C22orf39: variants seen among roughly 807,000 people sequenced by gnomAD.
C22orf39 encodes the protein chromosome 22 open reading frame 39.
Under a neutral mutation model 18.3 loss-of-function variants are expected in C22orf39, and 20 were observed. The observed-to-expected ratio is 1.09, with a 90% CI of 0.77 to 1.59. The LOEUF is 1.59. Among genes scored for constraint, C22orf39 ranks in the 40% most tolerant of loss-of-function variants. The pLI is 0.00. For synonymous variants in C22orf39, 63 were observed against 59.6 expected (o/e 1.06, Z -0.26); for missense variants, 195 against 156.1 (o/e 1.25, Z -1.33).
At position 19,447,464 on chromosome 22, in the gene C22orf39, G is replaced by A. The variant is rs777013130; in HGVS notation, c.106C>T (p.His36Tyr). 66 of 1,518,814 alleles carry A rather than the reference G, an allele frequency of 4.3e-5. No individual in the cohort carries two copies. In the African/African-American group the frequency reaches 7.2e-4, roughly 16 times the overall value. 94.1% of individuals were successfully genotyped at this position (1,518,814 alleles called of 1,614,324 possible). A position where few individuals can be genotyped will look rare whatever the true frequency, so the allele number is the denominator to read the frequency against. The change falls in exon 2 of 3, where the codon CAC becomes TAC. Residue 36 changes from histidine to tyrosine, a missense_variant. By Grantham distance (83) the His-to-Tyr change is moderately conservative. Coordinates refer to ENST00000399562, the MANE Select transcript of C22orf39 (RefSeq NM_173793.5). ...TGTTCGCAGGCCGGCCGCTCGCCGT[G>A]GACGTAGTAGTGGTGTAGGAAGTGC... ...ARHFLHHYYV[H>Y]GERPACEQWQ...
chr22:19,444,858 G>A (rs2089632213), intron 2 of C22orf39, among the ~76,000 whole-genome samples: 1 of 152,130 alleles, frequency 6.6e-6, no homozygotes, highest in Non-Finnish European at 1.5e-5. Context: ...TCCTGGAAGG[G>A]TGGGAAGAGT....
At chr22:19,446,717 C>T (rs2089641854) in intron 2 of C22orf39, among the ~76,000 whole-genome samples, 1 of 151,830 alleles carries the variant, frequency 6.6e-6, no homozygotes, top group Admixed American at 6.6e-5. Flanking sequence ...TTTTTTTTCC[C>T]CCCTGAGACA....
intron 2 of C22orf39, 55 bp from the exon 3 acceptor site, chr22:19,444,445 T>C (rs2089629904): frequency 5.8e-6 from 9 of 1,551,960 alleles, no homozygotes; most frequent in Non-Finnish European, 7.8e-6. Flanking sequence ...TCAAGACCCC[T>C]GTACCTCCCC....
Position 19,444,303 on chromosome 22 carries a change from C to T in C22orf39, c.280G>A (p.Asp94Asn). Reference sequence around the variant, plus strand: ...TCCTGTGGCAGAGGGAGATGCCAGTCTGGAGGGGGGCTCTGCCTCGGGGCC... The same window carrying T: ...TCCTGTGGCAGAGGGAGATGCCAGTTTGGAGGGGGGCTCTGCCTCGGGGCC... ...VWAPRQSPPP[D>N]WHLPLPQEKD... Residue 94 changes from aspartate to asparagine, a missense_variant, in exon 3 of 3, where the codon GAC becomes AAC. Physicochemically the swap from Asp to Asn is conservative, Grantham distance 23. Coordinates refer to ENST00000399562, the MANE Select transcript of C22orf39 (RefSeq NM_173793.5). The T allele has an allele frequency of 6.2e-7, 1 of 1,601,166 alleles. No individual in the cohort carries two copies. Among genetic ancestry groups the T allele is most frequent in the Non-Finnish European group, 8.5e-7 (1 of 1,175,380 alleles).
At chr22:19,447,644 G>C (rs774485184) in intron 1 of C22orf39, 21 bp downstream of exon 1, 11 of 1,608,492 alleles carry the variant, frequency 6.8e-6, no homozygotes, top group African/African-American at 1.3e-5. Flanking sequence ...GTGGTTCCCG[G>C]CTCCGACCCA....
At position 19,447,382 on chromosome 22, in the gene C22orf39, G is replaced by T; in HGVS notation, c.188C>A (p.Ala63Asp). The T allele has an allele frequency of 6.7e-7, 1 of 1,497,794 alleles. No individual in the cohort carries two copies. Among genetic ancestry groups the T allele is most frequent in the Non-Finnish European group, 8.8e-7 (1 of 1,130,770 alleles). 92.8% of individuals were successfully genotyped at this position (1,497,794 alleles called of 1,614,324 possible). The change falls in exon 2 of 3, where the codon GCC becomes GAC. Residue 63 changes from alanine (A) to aspartate (D), a missense_variant. Coordinates refer to ENST00000399562, the MANE Select transcript of C22orf39 (RefSeq NM_173793.5). Reference protein sequence around the residue: ...RDWEERRNAEAQQSLCESERA... With the variant: ...RDWEERRNAEDQQSLCESERA... Reference sequence around the variant, plus strand: ...CCCCGCTCCCTCCCGGCGCACCTGGGCCTCGGCGTTCCGGCGCTCCTCCCA... The same window carrying T: ...CCCCGCTCCCTCCCGGCGCACCTGGTCCTCGGCGTTCCGGCGCTCCTCCCA...
rs1021981079 is a variant in C22orf39, at chr22:19,443,453, T to A, written c.*812A>T. ...TAATACTGTCCAGGTACAACACTGTTACACACAAAATCTAACAAGTGTGAA... is the reference window on the plus strand; with the variant it reads ...TAATACTGTCCAGGTACAACACTGTAACACACAAAATCTAACAAGTGTGAA... On this transcript the variant is annotated 3_prime_UTR_variant, in exon 3 of 3. Coordinates refer to ENST00000399562, the MANE Select transcript of C22orf39 (RefSeq NM_173793.5). The A allele has an allele frequency of 1.0e-6, 1 of 985,750 alleles. No individual in the cohort carries two copies. Among genetic ancestry groups the A allele is most frequent in the African/African-American group, 1.7e-5 (1 of 57,244 alleles). The allele number at this position is 985,750 out of a possible 1,614,324, so 61.1% of individuals were successfully genotyped here.
At chr22:19,444,624 G>T (rs1259812985) in intron 2 of C22orf39, among the ~76,000 whole-genome samples, 1 of 152,082 alleles carries the variant, frequency 6.6e-6, no homozygotes, top group Non-Finnish European at 1.5e-5. Flanking sequence ...TACTGAATAG[G>T]TCATAATAAT....
rs1204148057 is a variant in C22orf39, at chr22:19,441,711, A to G, written c.*2554T>C. On this transcript the variant is annotated 3_prime_UTR_variant, in exon 3 of 3. Transcript: ENST00000399562. ...ACTTAGCACCTGTCCAAAAAGTTTG[A>G]AAGATATTGCTCTTATTACAGTATT... 5 of 1,549,856 alleles carry G rather than the reference A, an allele frequency of 3.2e-6. No homozygotes were observed. Among genetic ancestry groups the G allele is most frequent in the East Asian group, 2.5e-5 (1 of 40,812 alleles).
Position 19,447,517 on chromosome 22 carries a change from G to A in C22orf39, c.53C>T (p.Ala18Val), listed in dbSNP as rs1433828151. Residue 18 changes from alanine to valine, a missense_variant, in exon 2 of 3, where the codon GCC becomes GTC. Ala to Val is a moderately conservative substitution (Grantham distance 64, BLOSUM62 0). Coordinates refer to ENST00000399562, the MANE Select transcript of C22orf39 (RefSeq NM_173793.5). Reference protein sequence around the residue: ...QPPRPCEAYRAEWKLCRSARH... With the variant: ...QPPRPCEAYRVEWKLCRSARH... ...GGCGCTGCGGCAGAGCTTCCACTCG[G>A]CGCGGTAGGCCTCGCAGGGGCGCGG... 3.4e-6 allele frequency: 5 copies of A among 1,483,482 alleles called. No homozygotes were observed. Among genetic ancestry groups the A allele is most frequent in the Non-Finnish European group, 4.5e-6 (5 of 1,122,252 alleles). 91.9% of individuals were successfully genotyped at this position (1,483,482 alleles called of 1,614,324 possible). A position where few individuals can be genotyped will look rare whatever the true frequency, so the allele number is the denominator to read the frequency against.
At position 19,441,905 on chromosome 22, in the gene C22orf39, C is replaced by T. The variant is rs958383588; in HGVS notation, c.*2360G>A. The T allele has an allele frequency of 5.6e-6, 3 of 538,604 alleles. No individual in the cohort carries two copies. In the African/African-American group the frequency reaches 5.9e-5, roughly 11 times the overall value. 33.4% of individuals were successfully genotyped at this position (538,604 alleles called of 1,614,324 possible). ...AAACTCCTGGGCTCAAACAATCCTCCTATCTCAGCCTCCGAAGTAGCTGGA... is the reference window on the plus strand; with the variant it reads ...AAACTCCTGGGCTCAAACAATCCTCTTATCTCAGCCTCCGAAGTAGCTGGA... On this transcript the variant is annotated 3_prime_UTR_variant, in exon 3 of 3. Coordinates refer to ENST00000399562, the MANE Select transcript of C22orf39 (RefSeq NM_173793.5).
rs1302285135 is a variant in C22orf39 at position 19,447,704 on chromosome 22, G to T, written c.-16C>A. On this transcript the variant is annotated 5_prime_UTR_variant, in exon 1 of 3. Transcript: ENST00000399562. ...CGTCCGCCATGTCTGGGCGACCGGC[G>T]CGCCAAGCCCGCCCCTCAGTCCGCC... 1 of 1,606,424 alleles carries T rather than the reference G, an allele frequency of 6.2e-7. No homozygotes were observed. The highest frequency in any genetic ancestry group is 8.5e-7 in the Non-Finnish European group (1 of 1,177,382).
Position 19,441,622 on chromosome 22 carries a change from A to G in C22orf39, c.*2643T>C, listed in dbSNP as rs1417598274. Reference sequence around the variant, plus strand: ...TAGCTGACTGCAACCTCAAACTCCTATCCTCAAGTGATTCTTCTGCCTCAG... The same window carrying G: ...TAGCTGACTGCAACCTCAAACTCCTGTCCTCAAGTGATTCTTCTGCCTCAG... On this transcript the variant is annotated 3_prime_UTR_variant, in exon 3 of 3. Coordinates refer to ENST00000399562, the MANE Select transcript of C22orf39 (RefSeq NM_173793.5). 6 of 1,202,886 alleles carry G rather than the reference A, an allele frequency of 5.0e-6. No individual in the cohort carries two copies. Among genetic ancestry groups the G allele is most frequent in the East Asian group, 2.6e-5 (1 of 39,214 alleles). 74.5% of individuals were successfully genotyped at this position (1,202,886 alleles called of 1,614,324 possible).
At position 19,447,443 on chromosome 22, in the gene C22orf39, C is replaced by G; in HGVS notation, c.127G>C (p.Glu43Gln). The part of the protein sequence containing the change: ...YYVHGERPAC[E>Q]QWQRDLASCR... The stretch of plus-strand genomic sequence containing the variant: ...CTGGCCAGGTCGCGCTGCCACTGTT[C>G]GCAGGCCGGCCGCTCGCCGTGGACG... Residue 43 changes from glutamate (E) to glutamine (Q), a missense_variant, in exon 2 of 3, where the codon GAA becomes CAA. Physicochemically the swap from Glu to Gln is conservative, Grantham distance 29. Coordinates refer to ENST00000399562, the MANE Select transcript of C22orf39 (RefSeq NM_173793.5). The G allele has an allele frequency of 1.3e-6, 2 of 1,512,350 alleles. No individual in the cohort carries two copies. Among genetic ancestry groups the G allele is most frequent in the Non-Finnish European group, 1.8e-6 (2 of 1,138,664 alleles). 93.7% of individuals were successfully genotyped at this position (1,512,350 alleles called of 1,614,324 possible).
rs1319342661 is a variant in C22orf39 at position 19,441,172 on chromosome 22, A to G, written c.*3093T>C. The G allele has an allele frequency of 6.4e-6, 1 of 155,892 alleles. No homozygotes were observed. Among genetic ancestry groups the G allele is most frequent in the Non-Finnish European group, 1.4e-5 (1 of 70,508 alleles). 9.7% of individuals were successfully genotyped at this position (155,892 alleles called of 1,614,324 possible). On this transcript the variant is annotated 3_prime_UTR_variant, in exon 3 of 3. Transcript: ENST00000399562. Reference sequence around the variant, plus strand: ...GTCAGGCTGACAGATGGTTTTCAACACCACAGGACTCCCTCGTATGAACCA... The same window carrying G: ...GTCAGGCTGACAGATGGTTTTCAACGCCACAGGACTCCCTCGTATGAACCA...
At position 19,443,613 on chromosome 22, in the gene C22orf39, C is replaced by T; in HGVS notation, c.*652G>A. On this transcript the variant is annotated 3_prime_UTR_variant, in exon 3 of 3. Coordinates refer to ENST00000399562, the MANE Select transcript of C22orf39 (RefSeq NM_173793.5). ...ATTTCTTCAGCTGAGTCCACAAACC[C>T]TCTTTATGCAAGGTTGTGTGTTCTG... 2.0e-6 allele frequency: 2 copies of T among 985,414 alleles called. No homozygotes were observed. Among genetic ancestry groups the T allele is most frequent in the Non-Finnish European group, 1.2e-6 (1 of 829,912 alleles). The allele number at this position is 985,414 out of a possible 1,614,324, so 61.0% of individuals were successfully genotyped here.
Position 19,447,493 on chromosome 22 carries a change from G to C in C22orf39, c.77C>G (p.Ala26Gly). 1 of 1,500,782 alleles carries C rather than the reference G, an allele frequency of 6.7e-7. No individual in the cohort carries two copies. Among genetic ancestry groups the C allele is most frequent in the Non-Finnish European group, 8.8e-7 (1 of 1,132,312 alleles). The allele number at this position is 1,500,782 out of a possible 1,614,324, so 93.0% of individuals were successfully genotyped here. Residue 26 changes from alanine (A) to glycine (G), a missense_variant, in exon 2 of 3, where the codon GCC becomes GGC. Transcript: ENST00000399562. ...GTAGTAGTGGTGTAGGAAGTGCCTGGCGCTGCGGCAGAGCTTCCACTCGGC... is the reference window on the plus strand; with the variant it reads ...GTAGTAGTGGTGTAGGAAGTGCCTGCCGCTGCGGCAGAGCTTCCACTCGGC... ...YRAEWKLCRSARHFLHHYYVH... is the reference protein window; with the variant it reads ...YRAEWKLCRSGRHFLHHYYVH...
Position 19,443,418 on chromosome 22 carries a change from T to C in C22orf39, c.*847A>G, listed in dbSNP as rs2089624023. 2 of 985,818 alleles carry C rather than the reference T, an allele frequency of 2.0e-6. No individual in the cohort carries two copies. Among genetic ancestry groups the C allele is most frequent in the Non-Finnish European group, 2.4e-6 (2 of 829,926 alleles). The allele number at this position is 985,818 out of a possible 1,614,324, so 61.1% of individuals were successfully genotyped here. A position where few individuals can be genotyped will look rare whatever the true frequency, so the allele number is the denominator to read the frequency against. On this transcript the variant is annotated 3_prime_UTR_variant, in exon 3 of 3. Coordinates refer to ENST00000399562, the MANE Select transcript of C22orf39 (RefSeq NM_173793.5). The stretch of plus-strand genomic sequence containing the variant: ...AAAACACTTAACAAGAGAATAAGCA[T>C]ACAAATTTCTAATACTGTCCAGGTA...
intron 2 of C22orf39, among the ~76,000 whole-genome samples, chr22:19,446,808 T>G (rs2146278419): frequency 6.6e-6 from 1 of 152,160 alleles, no homozygotes; most frequent in East Asian, 1.9e-4. Flanking sequence ...GCTTAGGCGA[T>G]CCTCCCGCCT....
Sources: gnomAD v4.1 joint callset for allele counts (sites outside exome capture counted in the v4.1 genomes callset) on GRCh38, gnomAD v4.1.1 for gene constraint, MANE v1.5 for transcripts, NCBI Gene and HGNC (gene_info 2026-07-23, HGNC 2026-07-21) for gene names.